The following SDK1 variants were observed in gnomAD, a reference collection of about 807,000 sequenced individuals.
SDK1 encodes sidekick cell adhesion molecule 1.
A neutral mutation model predicts 245.5 loss-of-function variants in SDK1; 157 were observed. The observed-to-expected ratio is 0.64, with a 90% CI of 0.56 to 0.73. SDK1 has a LOEUF of 0.73. Ranked by LOEUF, SDK1 falls within the 30% of genes least tolerant of loss-of-function variation. SDK1 has a pLI of 0.00. For synonymous variants in SDK1, 1,647 were observed against 1,278.5 expected, an observed-to-expected ratio of 1.29 and a Z score of -6.15; for missense variants, 3,583 against 3,002.3, an observed-to-expected ratio of 1.19 and a Z score of -4.52.
chr7:3,381,805 A>G (rs1336039642), intron 1 of SDK1, among the ~76,000 whole-genome samples: 1 of 152,164 alleles, frequency 6.6e-6, no homozygotes, highest in Non-Finnish European at 1.5e-5. Context: ...TGCAATAAGA[A>G]TCCAGTCATG....
intron 5 of SDK1, among the ~76,000 whole-genome samples, chr7:3,949,929 A>G: frequency 6.6e-6 from 1 of 152,252 alleles, no homozygotes. Flanking sequence ...GGACAGGAGT[A>G]AGAATGCCCA....
chr7:4,205,240 T>G (rs1460801580), intron 35 of SDK1, among the ~76,000 whole-genome samples: 1 of 152,158 alleles, frequency 6.6e-6, no homozygotes, highest in African/African-American at 2.4e-5. Flanking sequence ...ACTCTGTGTA[T>G]CTGGACGAAC....
At chr7:3,725,403 G>C (rs1778978807) in intron 4 of SDK1, among the ~76,000 whole-genome samples, 1 of 152,118 alleles carries the variant, frequency 6.6e-6, no homozygotes, top group Non-Finnish European at 1.5e-5. Flanking sequence ...GTAATCCTCT[G>C]GCTGTTCGCC....
At chr7:4,250,125 T>G (rs1415650731) in intron 44 of SDK1, among the ~76,000 whole-genome samples, 1 of 152,184 alleles carries the variant, frequency 6.6e-6, no homozygotes, top group Non-Finnish European at 1.5e-5. Context: ...TGTGGACATT[T>G]CATCTAAATA....
At chr7:4,157,568 A>G in intron 30 of SDK1, among the ~76,000 whole-genome samples, 1 of 150,266 alleles carries the variant, frequency 6.7e-6, no homozygotes, top group Non-Finnish European at 1.5e-5. Flanking sequence ...GCGGGCCCGA[A>G]GTGCTAACAG....
intron 1 of SDK1, among the ~76,000 whole-genome samples, chr7:3,608,539 C>T (rs983428880): frequency 6.6e-6 from 1 of 152,256 alleles, no homozygotes; most frequent in South Asian, 2.1e-4. Context: ...ATTTTGGAAA[C>T]CTTGAATATG....
intron 1 of SDK1, among the ~76,000 whole-genome samples, chr7:3,574,109 C>G (rs960781762): frequency 2.0e-5 from 3 of 151,218 alleles, no homozygotes; most frequent in South Asian, 2.1e-4. Flanking sequence ...AGACATATAC[C>G]TGATTTTTTT....
At chr7:3,594,858 A>T (rs574047149) in intron 1 of SDK1, among the ~76,000 whole-genome samples, 1 of 152,356 alleles carries the variant, frequency 6.6e-6, no homozygotes, top group South Asian at 2.1e-4. Flanking sequence ...AAGCATACTT[A>T]AAGAATCATA....
chr7:4,012,687 C>T (rs1293762905), intron 16 of SDK1, among the ~76,000 whole-genome samples: 1 of 148,628 alleles, frequency 6.7e-6, no homozygotes, highest in East Asian at 2.0e-4. Context: ...AATTCTCCTG[C>T]CTCAGCCTCC....
chr7:3,925,510 T>C (rs1779736627), intron 5 of SDK1, among the ~76,000 whole-genome samples: 1 of 152,214 alleles, frequency 6.6e-6, no homozygotes, highest in Non-Finnish European at 1.5e-5. Context: ...TAAGCAGTTT[T>C]AATCCAGATA....
intron 1 of SDK1, among the ~76,000 whole-genome samples, chr7:3,600,399 G>C (rs977515204): frequency 6.6e-6 from 1 of 151,928 alleles, no homozygotes; most frequent in African/African-American, 2.4e-5. Flanking sequence ...TTTCCTTCCA[G>C]TATGTACATC....
chr7:4,128,800 G>A (rs1351834047), intron 26 of SDK1, among the ~76,000 whole-genome samples: 1 of 144,292 alleles, frequency 6.9e-6, no homozygotes, highest in Non-Finnish European at 1.5e-5. Context: ...CTGGAGGAGA[G>A]CACCTTGGGG....
chr7:4,184,940 TACAGCCCTGGGCACAG>T (rs1157103435), intron 35 of SDK1, among the ~76,000 whole-genome samples: 1 of 152,176 alleles, frequency 6.6e-6, no homozygotes, highest in Non-Finnish European at 1.5e-5. Context: ...AAGGTGGCCA[TACAGCCCTGGGCACAG>T]AGAGCTTCCC....
chr7:3,386,664 T>A (rs979977691), intron 1 of SDK1, among the ~76,000 whole-genome samples: 1 of 152,226 alleles, frequency 6.6e-6, no homozygotes, highest in South Asian at 2.1e-4. Flanking sequence ...GCTTTCCTAA[T>A]GAAAATCAAG....
At chr7:3,985,615 C>A (rs890976192) in intron 13 of SDK1, among the ~76,000 whole-genome samples, 1 of 152,074 alleles carries the variant, frequency 6.6e-6, no homozygotes, top group African/African-American at 2.4e-5. Context: ...ATAGTGAGGC[C>A]CTGTCTATAC....
intron 1 of SDK1, among the ~76,000 whole-genome samples, chr7:3,551,917 A>G (rs570782256): frequency 5.3e-5 from 8 of 152,292 alleles, no homozygotes; most frequent in African/African-American, 1.7e-4. Flanking sequence ...TGTGAATCAC[A>G]TTATCAAGCT....
At chr7:4,129,690 C>T (rs992069622) in intron 26 of SDK1, 1 of 1,391,468 alleles carries the variant, frequency 7.2e-7, no homozygotes, top group Non-Finnish European at 9.3e-7. Context: ...GCCGTGGGCA[C>T]TAACTCAAGC....
intron 1 of SDK1, among the ~76,000 whole-genome samples, chr7:3,440,194 A>G (rs1284867280): frequency 6.6e-6 from 1 of 152,216 alleles, no homozygotes; most frequent in Non-Finnish European, 1.5e-5. Flanking sequence ...GCCCTGTAAA[A>G]TGAAGGTGTA....
At chr7:3,628,657 T>G (rs1782192379) in intron 2 of SDK1, among the ~76,000 whole-genome samples, 1 of 152,222 alleles carries the variant, frequency 6.6e-6, no homozygotes, top group African/African-American at 2.4e-5. Flanking sequence ...AGTCCTGTCT[T>G]CCTCTTTGTC....
Sources: allele counts gnomAD v4.1 joint callset (sites outside exome capture counted in the v4.1 genomes callset), GRCh38; gene constraint gnomAD v4.1.1; transcripts MANE v1.5; gene names NCBI Gene and HGNC (gene_info 2026-07-23, HGNC 2026-07-21).